Variants in KLHL7 observed in about 807,000 individuals in gnomAD.
KLHL7 encodes kelch-like protein 7.
Under a neutral mutation model 67.4 loss-of-function variants are expected in KLHL7, and 44 were observed. The ratio of observed to expected loss-of-function variants is 0.65; its 90% CI spans 0.51 to 0.84. The LOEUF (loss-of-function observed/expected upper bound fraction) is 0.84, where lower values mean the gene tolerates loss of function less well. Ranked by LOEUF, KLHL7 falls within the 40% of genes least tolerant of loss-of-function variation. KLHL7 has a pLI of 0.00. For synonymous variants in KLHL7, 252 were observed against 243.3 expected (o/e 1.04, Z -0.33); for missense variants, 362 against 718.1 (o/e 0.50, Z 5.67).
In KLHL7 at chr7:23,118,462, C is replaced by T. The variant is rs144125070; in HGVS notation, c.121-5315C>T. 4.7e-3 allele frequency among the ~76,000 whole-genome samples: 718 copies of T among 152,306 alleles called. 8 individuals are homozygous for T. The highest frequency in any genetic ancestry group is 0.01 in the Middle Eastern group (3 of 294). On this transcript the variant is annotated intron_variant, in intron 1 of 10. Coordinates refer to ENST00000339077, the MANE Select transcript of KLHL7 (RefSeq NM_001031710.3). ...GAACAGTCCTCTCCTGCCAGAGGAG[C>T]AACCCTGCCCCAATGATTGATGTCC...
intron 4 of KLHL7, 179 bp from the exon 5 acceptor site, chr7:23,140,590 C>T (rs1174357523): frequency 4.4e-6 from 3 of 675,552 alleles, no homozygotes; most frequent in African/African-American, 1.8e-5. Flanking sequence ...AAAAAAAAAC[C>T]AGTCTTTTAT....
At chr7:23,145,229 C>CTT (rs61242955) in intron 6 of KLHL7, among the ~76,000 whole-genome samples, 194 of 147,796 alleles carry the variant, frequency 1.3e-3, no homozygotes, top group Non-Finnish European at 2.1e-3. Flanking sequence ...CCTTTTCTTT[C>CTT]TTTTTTTTTT....
intron 6 of KLHL7, among the ~76,000 whole-genome samples, chr7:23,148,000 A>T (rs1210762488): frequency 6.6e-6 from 1 of 152,218 alleles, no homozygotes; most frequent in African/African-American, 2.4e-5. Flanking sequence ...CCAACTCCTT[A>T]TCTTGAGCAG....
At position 23,116,277 on chromosome 7, in the gene KLHL7, C is replaced by G. The variant is rs572988282; in HGVS notation, c.121-7500C>G. Among the ~76,000 whole-genome samples, 5 of 152,356 alleles carry G rather than the reference C, an allele frequency of 3.3e-5. No individual in the cohort carries two copies. The South Asian group carries it at 1.0e-3, about 32-fold the overall frequency. ...CAGCTGGAGAATGGCCTTTAACATT[C>G]CTTTAAGGCCCGTGGTCCCACAGGG... On this transcript the variant is annotated intron_variant, in intron 1 of 10. Transcript: ENST00000339077.
In KLHL7 at chr7:23,115,031, G is replaced by T. The variant is rs144691968; in HGVS notation, c.121-8746G>T. 4.6e-5 allele frequency among the ~76,000 whole-genome samples: 7 copies of T among 152,292 alleles called. No individual in the cohort carries two copies. The East Asian group carries it at 1.4e-3, about 29-fold the overall frequency. ...TCACCCTGGTTTCTTATACTGTTCA[G>T]TTTAGTCAGCCAGAAAGCGTTTGCT... On this transcript the variant is annotated intron_variant, in intron 1 of 10. Transcript: ENST00000339077.
chr7:23,140,789 T>A lies in KLHL7; in HGVS notation c.463T>A (p.Cys155Ser). The A allele has an allele frequency of 1.2e-6, 2 of 1,613,820 alleles. No homozygotes were observed. The highest frequency in any genetic ancestry group is 1.7e-6 in the Non-Finnish European group (2 of 1,179,862). Reference protein sequence around the residue: ...NCLGISVLAECLDCPELKATA... With the variant: ...NCLGISVLAESLDCPELKATA... The stretch of plus-strand genomic sequence containing the variant: ...TTTAGGTATAAGTGTGCTAGCGGAG[T>A]GTCTAGATTGTCCTGAATTGAAAGC... The change falls in exon 5 of 11, where the codon TGT (cysteine) becomes AGT (serine). Residue 155 changes from cysteine (C) to serine (S), a missense_variant. Cys to Ser is a moderately radical substitution (Grantham distance 112). Coordinates refer to ENST00000339077, the MANE Select transcript of KLHL7 (RefSeq NM_001031710.3).
At chr7:23,149,367 C>T (rs1337339269) in intron 6 of KLHL7, among the ~76,000 whole-genome samples, 1 of 152,154 alleles carries the variant, frequency 6.6e-6, no homozygotes, top group Non-Finnish European at 1.5e-5. Context: ...CACAGTTGGC[C>T]ATGGTCAGCC....
intron 1 of KLHL7, among the ~76,000 whole-genome samples, chr7:23,114,197 T>A (rs1010224182): frequency 6.6e-6 from 1 of 152,236 alleles, no homozygotes; most frequent in Non-Finnish European, 1.5e-5. Context: ...TGTGTTATGA[T>A]GGACTCCATA....
intron 7 of KLHL7, among the ~76,000 whole-genome samples, chr7:23,157,706 GCCTGAAGTC>G (rs1488461271): frequency 6.6e-6 from 1 of 152,112 alleles, no homozygotes; most frequent in Non-Finnish European, 1.5e-5. Flanking sequence ...TTGGTATAGT[GCCTGAAGTC>G]CCCACATTCA....
At chr7:23,134,083 G>A (rs780915626) in intron 4 of KLHL7, among the ~76,000 whole-genome samples, 5 of 151,958 alleles carry the variant, frequency 3.3e-5, no homozygotes, top group African/African-American at 4.8e-5. Flanking sequence ...ACTAGCTATG[G>A]GTCTGTTGTA....
chr7:23,149,400 G>A (rs553639642), intron 6 of KLHL7, among the ~76,000 whole-genome samples: 1 of 152,182 alleles, frequency 6.6e-6, no homozygotes, highest in East Asian at 1.9e-4. Context: ...TGGCCTGTTG[G>A]TGGAAACAGT....
At chr7:23,144,064 A>T (rs768323526) in intron 6 of KLHL7, 39 bp downstream of exon 6, 2 of 1,547,462 alleles carry the variant, frequency 1.3e-6, no homozygotes, top group South Asian at 2.2e-5. Flanking sequence ...CTGATCATGT[A>T]GCCAGTTTCT....
At chr7:23,129,597 G>C (rs184019914) in intron 4 of KLHL7, 1 of 195,746 alleles carries the variant, frequency 5.1e-6, no homozygotes, top group African/African-American at 2.4e-5. Flanking sequence ...GAATTCAACC[G>C]TCCCCAAACT....
chr7:23,106,549 G>A, intron 1 of KLHL7: 4 of 1,065,780 alleles, frequency 3.8e-6, no homozygotes, highest in Non-Finnish European at 3.4e-6. Context: ...AGCCCCCAAA[G>A]GGAGGAGAGT....
chr7:23,168,685 G>A (rs1419753838), intron 9 of KLHL7, among the ~76,000 whole-genome samples: 1 of 152,214 alleles, frequency 6.6e-6, no homozygotes, highest in Non-Finnish European at 1.5e-5. Flanking sequence ...CGGGTTGTGA[G>A]TAGTGACATT....
intron 5 of KLHL7, among the ~76,000 whole-genome samples, chr7:23,141,874 T>C (rs565679147): frequency 1.2e-4 from 18 of 152,042 alleles, no homozygotes; most frequent in Admixed American, 3.9e-4. Flanking sequence ...CTGCCCGCCT[T>C]GGCCTCCCAA....
rs57658434 is a variant in KLHL7, at chr7:23,175,953, TAAAAAAAAAAAAAA to T, written c.*1667_*1680del. 1 of 60,500 alleles carries T rather than the reference TAAAAAAAAAAAAAA, an allele frequency of 1.7e-5. No individual in the cohort carries two copies. Among genetic ancestry groups the T allele is most frequent in the African/African-American group, 7.1e-5 (1 of 14,156 alleles). 3.7% of individuals were successfully genotyped at this position (60,500 alleles called of 1,614,324 possible). ...CCCAGCCTGGGCAACAGAGCAAGACTAAAAAAAAAAAAAAAAAAAAAAAAATGTATTATTCAGTG... is the reference window on the plus strand; with the variant it reads ...CCCAGCCTGGGCAACAGAGCAAGACTAAAAAAAAAAATGTATTATTCAGTG... On this transcript the variant is annotated 3_prime_UTR_variant, in exon 11 of 11. Coordinates refer to ENST00000339077, the MANE Select transcript of KLHL7 (RefSeq NM_001031710.3).
chr7:23,108,636 C>G (rs1449067645), intron 1 of KLHL7, among the ~76,000 whole-genome samples: 5 of 152,168 alleles, frequency 3.3e-5, no homozygotes, highest in African/African-American at 4.8e-5. Flanking sequence ...TGATAAATAC[C>G]ATGCCATGCC....
chr7:23,118,288 G>A (rs1020626644), intron 1 of KLHL7, among the ~76,000 whole-genome samples: 5 of 152,190 alleles, frequency 3.3e-5, no homozygotes, highest in African/African-American at 9.7e-5. Flanking sequence ...TTTATGACGC[G>A]TTGAGTATCT....
Sources: gnomAD v4.1 joint callset for allele counts (sites outside exome capture counted in the v4.1 genomes callset) on GRCh38, gnomAD v4.1.1 for gene constraint, MANE v1.5 for transcripts, NCBI Gene and HGNC (gene_info 2026-07-23, HGNC 2026-07-21) for gene names.